CENPU: variants seen among roughly 807,000 people sequenced by gnomAD.
The protein encoded by CENPU is KSHV latent nuclear antigen interacting protein 1.
A neutral mutation model predicts 56.7 loss-of-function variants in CENPU; 46 were observed. That is an observed-to-expected ratio of 0.81 (90% confidence interval 0.64 to 1.04). CENPU has a LOEUF of 1.04. Among genes scored for constraint, CENPU ranks in the 50% least tolerant of loss-of-function variants. The pLI, the probability that CENPU is intolerant of heterozygous loss-of-function variation, is 0.00. For missense variants in CENPU, 510 were observed against 490.1 expected (o/e 1.04, Z -0.38); for synonymous variants, 166 against 163.0 (o/e 1.02, Z -0.14).
chr4:184,717,259 T>C, intron 4 of CENPU, 63 bp from the exon 5 acceptor site: 1 of 1,219,116 alleles, frequency 8.2e-7, no homozygotes, highest in Non-Finnish European at 1.2e-6. Flanking sequence ...ATGTCTTCTC[T>C]AACTTGCTCA....
intron 10 of CENPU, among the ~76,000 whole-genome samples, 175 bp from the exon 11 acceptor site, chr4:184,701,056 T>G (rs1308576501): frequency 1.3e-5 from 2 of 152,094 alleles, no homozygotes; most frequent in African/African-American, 2.4e-5. Context: ...TATTTACAGC[T>G]TGTGATATGT....
At chr4:184,719,077 G>C (rs1249852667) in intron 4 of CENPU, among the ~76,000 whole-genome samples, 1 of 152,130 alleles carries the variant, frequency 6.6e-6, no homozygotes, top group Non-Finnish European at 1.5e-5. Flanking sequence ...AAAAAAACAG[G>C]AGAGGAAACA....
chr4:184,720,303 G>A (rs1761232017), intron 4 of CENPU, among the ~76,000 whole-genome samples: 1 of 152,030 alleles, frequency 6.6e-6, no homozygotes, highest in African/African-American at 2.4e-5. Flanking sequence ...GAATTAGTGA[G>A]CTTGAAGACA....
intron 3 of CENPU, 113 bp from the exon 4 acceptor site, chr4:184,725,175 C>G (rs1034588908): frequency 1.7e-6 from 1 of 573,638 alleles, no homozygotes; most frequent in African/African-American, 1.9e-5. Context: ...CTAACAAAAT[C>G]AAAATCAATT....
intron 3 of CENPU, among the ~76,000 whole-genome samples, chr4:184,726,467 T>C (rs2150228931): frequency 1.3e-5 from 2 of 152,250 alleles, no homozygotes; most frequent in South Asian, 4.2e-4. Flanking sequence ...AGTGAGATAG[T>C]ACTTCACACC....
At chr4:184,721,457 T>TAAAAAAAAAAAAA (rs138476894) in intron 4 of CENPU, among the ~76,000 whole-genome samples, 1 of 74,554 alleles carries the variant, frequency 1.3e-5, no homozygotes, top group African/African-American at 6.7e-5. Flanking sequence ...TGGCTGATTG[T>TAAAAAAAAAAAAA]AAAAAAAAAA....
chr4:184,700,645 C>T lies in CENPU; in HGVS notation c.986+175G>A, dbSNP rs552768166. Among the ~76,000 whole-genome samples the T allele has an allele frequency of 1.6e-3, 251 of 152,284 alleles. 1 individual carries two copies. Among genetic ancestry groups the T allele is most frequent in the Non-Finnish European group, 2.5e-3 (173 of 68,022 alleles). On this transcript the variant is annotated intron_variant, in intron 11 of 12. Coordinates refer to ENST00000281453, the MANE Select transcript of CENPU (RefSeq NM_024629.4). ...TGGAGATAGATCAGTGTGGAATTCT[C>T]CTTTGTCAAAAGGTGGGGCAACTAA... is the stretch of plus-strand genomic sequence containing the variant.
intron 2 of CENPU, among the ~76,000 whole-genome samples, chr4:184,730,311 T>C (rs373761302): frequency 6.6e-6 from 1 of 151,998 alleles, no homozygotes; most frequent in African/African-American, 2.4e-5. Context: ...GATCCCAGGG[T>C]TTCCCAGAGG....
chr4:184,716,389 G>A lies in CENPU; in HGVS notation c.618+8C>T, dbSNP rs73874421. 1.5e-3 allele frequency: 2,350 copies of A among 1,606,310 alleles called. 24 individuals carry two copies. The African/African-American group carries it at 0.025, about 17-fold the overall frequency. On this transcript the variant is annotated splice_region_variant and intron_variant, in intron 6 of 12. Transcript: ENST00000281453. ...TTTGCCCTCCTAGGGGATGGCAGAC[G>A]TTCTTACCGATTGACTTTCTATTGC...
At chr4:184,721,263 A>G (rs1761264993) in intron 4 of CENPU, among the ~76,000 whole-genome samples, 1 of 152,066 alleles carries the variant, frequency 6.6e-6, no homozygotes, top group African/African-American at 2.4e-5. Flanking sequence ...AAATACATAA[A>G]AAGAGCAAGA....
At chr4:184,729,583 T>C (rs961838138) in intron 2 of CENPU, among the ~76,000 whole-genome samples, 3 of 152,242 alleles carry the variant, frequency 2.0e-5, no homozygotes, top group African/African-American at 7.2e-5. Flanking sequence ...GTAAAAACCA[T>C]TCTTAGCTTG....
chr4:184,721,782 G>A (rs1305270160), intron 4 of CENPU, among the ~76,000 whole-genome samples: 1 of 152,172 alleles, frequency 6.6e-6, no homozygotes, highest in Non-Finnish European at 1.5e-5. Flanking sequence ...GGGAGAGACA[G>A]ACCCCAATAC....
intron 1 of CENPU, among the ~76,000 whole-genome samples, chr4:184,733,753 C>T (rs896856733): frequency 6.6e-6 from 1 of 152,260 alleles, no homozygotes; most frequent in Non-Finnish European, 1.5e-5. Flanking sequence ...TTGGACGGCA[C>T]TCCCCCTCCC....
chr4:184,721,321 G>C (rs765538559), intron 4 of CENPU, among the ~76,000 whole-genome samples: 1 of 151,810 alleles, frequency 6.6e-6, no homozygotes. Flanking sequence ...AAGACAGGAA[G>C]GAAGAAAAGG....
chr4:184,707,574 A>T (rs1427437767), intron 8 of CENPU, among the ~76,000 whole-genome samples: 1 of 152,134 alleles, frequency 6.6e-6, no homozygotes. Context: ...CTGGAGGGCG[A>T]GGAGTGAAGT....
intron 8 of CENPU, among the ~76,000 whole-genome samples, chr4:184,709,213 G>C (rs1421022378): frequency 6.6e-6 from 1 of 152,160 alleles, no homozygotes; most frequent in Non-Finnish European, 1.5e-5. Flanking sequence ...ATCTGGCCGG[G>C]TGCAGTGGCT....
At chr4:184,733,311 C>T (rs908174438) in intron 1 of CENPU, 12 of 986,256 alleles carry the variant, frequency 1.2e-5, no homozygotes, top group African/African-American at 1.7e-5. Flanking sequence ...CTCCTCCAGG[C>T]AGCCTTCCCA....
At chr4:184,698,126 G>A (rs894794288) in intron 11 of CENPU, 1 of 226,032 alleles carries the variant, frequency 4.4e-6, no homozygotes, top group South Asian at 8.0e-5. Context: ...TCAGAGGCTC[G>A]CACCAGCGGA....
In CENPU at chr4:184,695,262, A is replaced by G; in HGVS notation, c.*26T>C. 2.7e-6 allele frequency: 4 copies of G among 1,454,588 alleles called. No individual in the cohort carries two copies. In the East Asian group the frequency reaches 6.8e-5, roughly 25 times the overall value. 90.1% of individuals were successfully genotyped at this position (1,454,588 alleles called of 1,614,324 possible). A position where few individuals can be genotyped will look rare whatever the true frequency, so the allele number is the denominator to read the frequency against. On this transcript the variant is annotated 3_prime_UTR_variant, in exon 13 of 13. Coordinates refer to ENST00000281453, the MANE Select transcript of CENPU (RefSeq NM_024629.4). ...AACAGCATGAGACTAGTCTTCCTAT[A>G]GGCACATTTTAGTAGACTGCTCTTC...
Sources: gnomAD v4.1 joint callset for allele counts (sites outside exome capture counted in the v4.1 genomes callset) on GRCh38, gnomAD v4.1.1 for gene constraint, MANE v1.5 for transcripts, NCBI Gene and HGNC (gene_info 2026-07-23, HGNC 2026-07-21) for gene names.